Variants in ZNF678 observed in about 807,000 individuals in gnomAD.
ZNF678 encodes zinc finger protein 678, also known as hypothetical protein MGC42493.
ZNF678 carries 5 observed loss-of-function variants against 3.0 expected under a neutral mutation model. That is an observed-to-expected ratio of 1.69 (90% CI 0.88 to 3.56). The LOEUF (loss-of-function observed/expected upper bound fraction) is 3.56, where lower values mean the gene tolerates loss of function less well. Ranked by LOEUF, ZNF678 falls within the 30% of genes most tolerant of loss-of-function variation. The pLI, the probability that ZNF678 is intolerant of heterozygous loss-of-function variation, is 0.00. For missense variants in ZNF678, 593 were observed against 605.0 expected, an observed-to-expected ratio of 0.98 and a Z score of 0.21; for synonymous variants, 218 against 199.6, an observed-to-expected ratio of 1.09 and a Z score of -0.78.
intron 1 of ZNF678, among the ~76,000 whole-genome samples, chr1:227,568,974 G>C (rs1656767496): frequency 6.6e-6 from 1 of 152,192 alleles, no homozygotes. Context: ...TACACAGGCT[G>C]TCACACTGCA....
intron 1 of ZNF678, among the ~76,000 whole-genome samples, chr1:227,614,659 C>T (rs962722198): frequency 3.3e-5 from 5 of 152,196 alleles, no homozygotes; most frequent in Admixed American, 1.3e-4. Context: ...GCTTATTCAG[C>T]GCTCCTCTAG....
chr1:227,608,161 A>G (rs1657924741), intron 1 of ZNF678, among the ~76,000 whole-genome samples: 1 of 152,136 alleles, frequency 6.6e-6, no homozygotes, highest in Non-Finnish European at 1.5e-5. Context: ...AATAAAATGT[A>G]CCAGTTAAAA....
rs144620264 is a variant in ZNF678 at position 227,660,830 on chromosome 1, A to G, written c.*5002A>G. 1.6e-3 allele frequency: 241 copies of G among 152,330 alleles called. No individual in the cohort carries two copies. The highest frequency in any genetic ancestry group is 5.5e-3 in the African/African-American group (230 of 41,582). 9.4% of individuals were successfully genotyped at this position (152,330 alleles called of 1,614,324 possible). Reference sequence around the variant, plus strand: ...TTTTGAAGGTTTAGCATGATGTCAGATGTCCATTTGTCATATATGGCCTTT... The same window carrying G: ...TTTTGAAGGTTTAGCATGATGTCAGGTGTCCATTTGTCATATATGGCCTTT... On this transcript the variant is annotated 3_prime_UTR_variant, in exon 4 of 4. Transcript: ENST00000343776.
At position 227,657,587 on chromosome 1, in the gene ZNF678, T is replaced by G. The variant is rs1290439010; in HGVS notation, c.*1759T>G. The G allele has an allele frequency of 6.6e-6, 1 of 151,922 alleles. No homozygotes were observed. Among genetic ancestry groups the G allele is most frequent in the Admixed American group, 6.6e-5 (1 of 15,216 alleles). The allele number at this position is 151,922 out of a possible 1,614,324, so 9.4% of individuals were successfully genotyped here. A position where few individuals can be genotyped will look rare whatever the true frequency, so the allele number is the denominator to read the frequency against. ...ACTATTTACAAAATGTCATACTACG[T>G]TTTTCTTTGAGCCTGTGACCCCTCT... On this transcript the variant is annotated 3_prime_UTR_variant, in exon 4 of 4. Transcript: ENST00000343776.
chr1:227,565,763 T>TA (rs1278390809), intron 1 of ZNF678, among the ~76,000 whole-genome samples: 1 of 151,984 alleles, frequency 6.6e-6, no homozygotes, highest in Non-Finnish European at 1.5e-5. Context: ...TCTTTTTTAT[T>TA]TTTATTTATT....
chr1:227,674,332 C>T (rs898801948), intron 5 of ZNF678, among the ~76,000 whole-genome samples: 18 of 152,210 alleles, frequency 1.2e-4, no homozygotes, highest in African/African-American at 4.3e-4. Flanking sequence ...TTCATCTTCT[C>T]TTTGTCCCCA....
Position 227,635,515 on chromosome 1 carries a change from TTGTGTGTGTGTGTGTGTGTGTG to T in ZNF678, c.-163-11001_-163-10980del, listed in dbSNP as rs56135481. The stretch of plus-strand genomic sequence containing the variant: ...TACCAGGTGAATTTAGGGTGAACAT[TTGTGTGTGTGTGTGTGTGTGTG>T]TGTGTGTGTGTGTGTGTGTGTGTGT... On this transcript the variant is annotated intron_variant, in intron 1 of 3. Coordinates refer to ENST00000343776, the MANE Select transcript of ZNF678 (RefSeq NM_001367909.1). 6.4e-3 allele frequency among the ~76,000 whole-genome samples: 823 copies of T among 128,008 alleles called. 6 individuals carry two copies. Among genetic ancestry groups the T allele is most frequent in the African/African-American group, 0.023 (785 of 33,664 alleles). 84.0% of individuals were successfully genotyped at this position (128,008 alleles called of 152,430 possible).
intron 1 of ZNF678, among the ~76,000 whole-genome samples, chr1:227,623,510 C>T (rs1203604961): frequency 6.6e-6 from 1 of 152,224 alleles, no homozygotes; most frequent in African/African-American, 2.4e-5. Flanking sequence ...GAACTATTGA[C>T]AGTATCATTT....
At chr1:227,614,776 A>G (rs369996390) in intron 1 of ZNF678, among the ~76,000 whole-genome samples, 119 of 152,290 alleles carry the variant, frequency 7.8e-4, no homozygotes, top group African/African-American at 2.8e-3. Context: ...CAGACCATGT[A>G]TCAGTTATTC....
At chr1:227,667,041 G>A (rs1485280952), downstream of ZNF678, among the ~76,000 whole-genome samples, 11 of 151,432 alleles carry the variant, frequency 7.3e-5, no homozygotes, top group Admixed American at 5.3e-4. Flanking sequence ...TACCGCACCC[G>A]GCCTCTCCTC....
chr1:227,619,632 C>G lies in ZNF678; in HGVS notation c.-163-26912C>G, dbSNP rs375757935. Among the ~76,000 whole-genome samples, 412 of 152,072 alleles carry G rather than the reference C, an allele frequency of 2.7e-3. 9 individuals are homozygous for G. The South Asian group carries it at 0.028, about 11-fold the overall frequency. On this transcript the variant is annotated intron_variant, in intron 1 of 3. Transcript: ENST00000343776. ...GTTCACGCCATTCTCCTGCCTCAGC[C>G]TCCTGAGTAGCTGTGACTACAGGTG...
chr1:227,621,915 G>A (rs979159372), intron 1 of ZNF678, among the ~76,000 whole-genome samples: 2 of 152,224 alleles, frequency 1.3e-5, no homozygotes, highest in African/African-American at 4.8e-5. Flanking sequence ...AGACTCTGTA[G>A]CAATAGCACG....
At chr1:227,586,437 A>C (rs1571866634) in intron 1 of ZNF678, among the ~76,000 whole-genome samples, 1 of 152,218 alleles carries the variant, frequency 6.6e-6, no homozygotes, top group Admixed American at 6.5e-5. Context: ...ATATCACTAA[A>C]CAAATAGGGA....
chr1:227,570,322 G>A (rs1183732076), intron 1 of ZNF678, among the ~76,000 whole-genome samples: 1 of 152,208 alleles, frequency 6.6e-6, no homozygotes, highest in African/African-American at 2.4e-5. Context: ...TAGCCATTCA[G>A]TATTTCTTGT....
intron 5 of ZNF678, among the ~76,000 whole-genome samples, chr1:227,676,124 C>T (rs1384713004): frequency 1.3e-5 from 2 of 152,120 alleles, no homozygotes; most frequent in African/African-American, 4.8e-5. Context: ...AAAAGCATTC[C>T]CCTTAAGAGT....
intron 1 of ZNF678, among the ~76,000 whole-genome samples, chr1:227,597,169 A>G (rs1240171861): frequency 6.6e-6 from 1 of 152,242 alleles, no homozygotes; most frequent in Non-Finnish European, 1.5e-5. Context: ...ATTGGAAACA[A>G]AGGGGTGGGC....
intron 1 of ZNF678, among the ~76,000 whole-genome samples, chr1:227,612,391 T>A (rs1658042220): frequency 2.0e-5 from 3 of 152,112 alleles, no homozygotes; most frequent in Non-Finnish European, 2.9e-5. Context: ...CACTAATGGG[T>A]AATCAGTGGT....
Position 227,563,574 on chromosome 1 carries a change from C to A in ZNF678, c.-314C>A. On this transcript the variant is annotated 5_prime_UTR_variant, in exon 1 of 4. In the 5' UTR this introduces an upstream ATG that the reference lacks. Transcript: ENST00000343776. ...GCGGGGCCTTTGTCTTGTGCTCCAG[C>A]TGGAGCTTTGGTCCCGTATTCTCGG... 1.2e-6 allele frequency: 1 copy of A among 805,894 alleles called. No homozygotes were observed. The highest frequency in any genetic ancestry group is 1.9e-6 in the Non-Finnish European group (1 of 534,346). The allele number at this position is 805,894 out of a possible 1,614,324, so 49.9% of individuals were successfully genotyped here. A position where few individuals can be genotyped will look rare whatever the true frequency, so the allele number is the denominator to read the frequency against.
At position 227,654,441 on chromosome 1, in the gene ZNF678, T is replaced by G. The variant is rs1318253576; in HGVS notation, c.191T>G (p.Leu64Trp). The change falls in exon 4 of 4, where the codon TTG becomes TGG. Residue 64 changes from leucine to tryptophan, a missense_variant. By Grantham distance (61) the Leu-to-Trp change is moderately conservative. Transcript: ENST00000343776. ...CATAGAAGCTGGGGCCTTGACAATT[T>G]GCACTTAGTGAAAGACTGGAGAACT... Reference protein sequence around the residue: ...TRHRSWGLDNLHLVKDWRTVN... With the variant: ...TRHRSWGLDNWHLVKDWRTVN... 1 of 1,613,114 alleles carries G rather than the reference T, an allele frequency of 6.2e-7. No homozygotes were observed. Among genetic ancestry groups the G allele is most frequent in the Non-Finnish European group, 8.5e-7 (1 of 1,179,392 alleles).
Sources: allele counts gnomAD v4.1 joint callset (sites outside exome capture counted in the v4.1 genomes callset), GRCh38; gene constraint gnomAD v4.1.1; transcripts MANE v1.5; gene names NCBI Gene and HGNC (gene_info 2026-07-23, HGNC 2026-07-21).